The following KCNH1 variants were observed in gnomAD, a reference collection of about 807,000 sequenced individuals.
KCNH1 encodes potassium voltage-gated channel subfamily H member 1, also known as voltage-gated delayed rectifier potassium channel KCNH1.
Under a neutral mutation model 69.2 loss-of-function variants are expected in KCNH1, and 27 were observed. The ratio of observed to expected loss-of-function variants is 0.39; its 90% CI spans 0.29 to 0.54. KCNH1 has a LOEUF of 0.54. Ranked by LOEUF, KCNH1 falls within the 20% of genes least tolerant of loss-of-function variation. The pLI is 0.68. For synonymous variants in KCNH1, 456 were observed against 487.7 expected (o/e 0.93, Z 0.86); for missense variants, 798 against 1,261.6 (o/e 0.63, Z 5.57).
chr1:211,114,036 T>C (rs1337782981), intron 1 of KCNH1, among the ~76,000 whole-genome samples: 2 of 152,028 alleles, frequency 1.3e-5, no homozygotes, highest in Admixed American at 6.5e-5. Flanking sequence ...AGAGAATATG[T>C]GTGTTGGATT....
chr1:210,893,775 A>G (rs551707079), intron 7 of KCNH1, among the ~76,000 whole-genome samples: 16 of 151,748 alleles, frequency 1.1e-4, no homozygotes, highest in Non-Finnish European at 2.2e-4. Flanking sequence ...AGCCTCTTTC[A>G]TTTTTCTTAA....
At chr1:211,048,060 G>T (rs190250619) in intron 5 of KCNH1, among the ~76,000 whole-genome samples, 1 of 152,094 alleles carries the variant, frequency 6.6e-6, no homozygotes, top group Non-Finnish European at 1.5e-5. Context: ...ATATGCAAAT[G>T]GCCAACAGAC....
At chr1:210,856,757 AG>A in intron 7 of KCNH1, among the ~76,000 whole-genome samples, 1 of 141,644 alleles carries the variant, frequency 7.1e-6, no homozygotes, top group African/African-American at 2.6e-5. Context: ...CCGGTAGAGG[AG>A]GTGTTTGTTA....
At chr1:210,833,246 G>A (rs1487813033) in intron 7 of KCNH1, among the ~76,000 whole-genome samples, 2 of 152,058 alleles carry the variant, frequency 1.3e-5, no homozygotes, top group Non-Finnish European at 2.9e-5. Context: ...TTATTCAAAT[G>A]CTAAGAATTC....
intron 7 of KCNH1, chr1:210,859,613 C>T: frequency 2.2e-6 from 3 of 1,390,110 alleles, no homozygotes; most frequent in African/African-American, 1.4e-5. Flanking sequence ...TCATCATATT[C>T]AGCTTCATCA....
intron 10 of KCNH1, among the ~76,000 whole-genome samples, chr1:210,717,811 A>C: frequency 6.6e-6 from 1 of 152,140 alleles, no homozygotes; most frequent in East Asian, 1.9e-4. Context: ...AGTCAAAAGA[A>C]ATAGGTAAAA....
chr1:210,947,499 T>TG (rs1021842676), intron 6 of KCNH1, among the ~76,000 whole-genome samples: 6 of 149,504 alleles, frequency 4.0e-5, no homozygotes, highest in African/African-American at 1.2e-4. Flanking sequence ...GGCATGAACC[T>TG]GGGGGGCGGA....
Position 210,860,670 on chromosome 1 carries a change from T to C in KCNH1, c.1463-56504A>G, listed in dbSNP as rs1685958605. 6 of 777,560 alleles carry C rather than the reference T, an allele frequency of 7.7e-6. No individual in the cohort carries two copies. In the South Asian group the frequency reaches 8.2e-5, roughly 11 times the overall value. The allele number at this position is 777,560 out of a possible 1,614,324, so 48.2% of individuals were successfully genotyped here. ...GAGCCTGCATTACAGGTCTGATAAA[T>C]GCTGTGATACATTCTTTAGATTTTT... On this transcript the variant is annotated intron_variant, in intron 7 of 10. Transcript: ENST00000271751.
intron 6 of KCNH1, among the ~76,000 whole-genome samples, chr1:211,009,297 T>C (rs2102406587): frequency 6.6e-6 from 1 of 152,320 alleles, no homozygotes; most frequent in South Asian, 2.1e-4. Flanking sequence ...GTTGAAAACC[T>C]GATCAGAATA....
chr1:210,716,675 G>C (rs560045221), intron 10 of KCNH1, among the ~76,000 whole-genome samples: 1 of 152,254 alleles, frequency 6.6e-6, no homozygotes, highest in South Asian at 2.1e-4. Flanking sequence ...CTCATCTTCA[G>C]TTGTTTTCAG....
intron 1 of KCNH1, among the ~76,000 whole-genome samples, chr1:211,129,786 TCAA>T (rs1455958575): frequency 6.6e-6 from 1 of 152,184 alleles, no homozygotes; most frequent in Non-Finnish European, 1.5e-5. Context: ...ACTAATTATA[TCAA>T]CAACCTGAAC....
At chr1:210,821,597 A>T (rs1352911396) in intron 7 of KCNH1, among the ~76,000 whole-genome samples, 2 of 152,160 alleles carry the variant, frequency 1.3e-5, no homozygotes, top group Admixed American at 6.5e-5. Flanking sequence ...CAGGAGAGCC[A>T]GGAGGAGTGA....
chr1:211,103,697 T>C (rs1051887580), intron 2 of KCNH1, 95 bp from the exon 3 acceptor site: 9 of 763,520 alleles, frequency 1.2e-5, no homozygotes, highest in Admixed American at 2.8e-5. Flanking sequence ...CACTGTGCTA[T>C]GTACTGTGGA....
intron 7 of KCNH1, among the ~76,000 whole-genome samples, chr1:210,834,201 C>G (rs1471785633): frequency 2.0e-5 from 3 of 151,336 alleles, no homozygotes; most frequent in Non-Finnish European, 2.9e-5. Context: ...ACCCAAAGGA[C>G]TATAAATCAT....
intron 5 of KCNH1, among the ~76,000 whole-genome samples, chr1:211,059,882 G>A (rs1175407976): frequency 6.6e-6 from 1 of 152,094 alleles, no homozygotes; most frequent in African/African-American, 2.4e-5. Flanking sequence ...CTACACTACA[G>A]ACCTAACAAA....
chr1:211,029,449 C>T (rs951929707), intron 5 of KCNH1, among the ~76,000 whole-genome samples: 3 of 125,644 alleles, frequency 2.4e-5, no homozygotes, highest in Non-Finnish European at 3.3e-5. Flanking sequence ...ATGAAAAAAA[C>T]ACTCTTATCA....
At chr1:210,982,223 TA>T (rs1688724788) in intron 6 of KCNH1, among the ~76,000 whole-genome samples, 2 of 32,438 alleles carry the variant, frequency 6.2e-5, no homozygotes, top group Non-Finnish European at 1.2e-4. Context: ...AGAATACTTT[TA>T]TTATTATTAT....
chr1:210,811,854 AG>A (rs1229585628), intron 7 of KCNH1, among the ~76,000 whole-genome samples: 1 of 152,194 alleles, frequency 6.6e-6, no homozygotes, highest in African/African-American at 2.4e-5. Context: ...ATATGTAGCA[AG>A]GCCAGAACCC....
intron 7 of KCNH1, among the ~76,000 whole-genome samples, chr1:210,900,444 G>A (rs185913286): frequency 6.6e-6 from 1 of 152,188 alleles, no homozygotes; most frequent in East Asian, 1.9e-4. Flanking sequence ...CAAGATTACT[G>A]TTTCATTTGA....
Sources: allele counts gnomAD v4.1 joint callset (sites outside exome capture counted in the v4.1 genomes callset), GRCh38; gene constraint gnomAD v4.1.1; transcripts MANE v1.5; gene names NCBI Gene and HGNC (gene_info 2026-07-23, HGNC 2026-07-21).